Variants in PLXNA4 observed in about 807,000 individuals in gnomAD.
PLXNA4 encodes the protein plexin A4, also known as plexin-A4.
A neutral mutation model predicts 191.8 loss-of-function variants in PLXNA4; 44 were observed. The ratio of observed to expected loss-of-function variants is 0.23; its 90% CI spans 0.18 to 0.29. The LOEUF (loss-of-function observed/expected upper bound fraction) is 0.29, where lower values mean the gene tolerates loss of function less well. Among genes scored for constraint, PLXNA4 ranks in the 10% least tolerant of loss-of-function variants. The pLI is 1.00. For missense variants in PLXNA4, 1,800 were observed against 2,488.8 expected (o/e 0.72, Z 5.89); for synonymous variants, 1,082 against 1,009.5 (o/e 1.07, Z -1.36).
At chr7:132,268,304 G>C (rs1799930832) in intron 4 of PLXNA4, among the ~76,000 whole-genome samples, 1 of 152,204 alleles carries the variant, frequency 6.6e-6, no homozygotes, top group Non-Finnish European at 1.5e-5. Context: ...CTTGCCCCTA[G>C]CTCCCTTGCT....
intron 3 of PLXNA4, chr7:132,384,723 C>G (rs182094235): frequency 6.1e-4 from 635 of 1,035,062 alleles, no homozygotes; most frequent in Admixed American, 1.7e-3. Flanking sequence ...TATGCACACA[C>G]ACCTTTAAAC....
At chr7:132,353,170 C>T (rs1013464021) in intron 3 of PLXNA4, among the ~76,000 whole-genome samples, 2 of 152,160 alleles carry the variant, frequency 1.3e-5, no homozygotes, top group Non-Finnish European at 2.9e-5. Context: ...TCTGCTATTG[C>T]AATAAGTTTT....
intron 2 of PLXNA4, among the ~76,000 whole-genome samples, chr7:132,504,922 C>A (rs531887940): frequency 6.6e-6 from 1 of 152,158 alleles, no homozygotes; most frequent in Non-Finnish European, 1.5e-5. Flanking sequence ...CGATGTCGCA[C>A]GAAACACGTG....
At chr7:132,236,739 A>T (rs1430635892) in intron 5 of PLXNA4, among the ~76,000 whole-genome samples, 2 of 152,126 alleles carry the variant, frequency 1.3e-5, no homozygotes, top group Admixed American at 6.5e-5. Flanking sequence ...CCTTGGAAGC[A>T]ATTAAACCTC....
chr7:132,462,938 C>T (rs1257407621), intron 3 of PLXNA4, among the ~76,000 whole-genome samples: 2 of 150,586 alleles, frequency 1.3e-5, no homozygotes, highest in East Asian at 3.9e-4. Flanking sequence ...CAACCTCTGC[C>T]TGTCAGGTTC....
At chr7:132,526,357 T>C (rs1321262769) in intron 1 of PLXNA4, among the ~76,000 whole-genome samples, 1 of 152,240 alleles carries the variant, frequency 6.6e-6, no homozygotes, top group Admixed American at 6.5e-5. Flanking sequence ...AACTGCCTTC[T>C]CCTGATCCTC....
chr7:132,211,874 C>G (rs1326180196), intron 9 of PLXNA4, among the ~76,000 whole-genome samples: 1 of 152,120 alleles, frequency 6.6e-6, no homozygotes, highest in African/African-American at 2.4e-5. Context: ...CACTGGGCCC[C>G]TTTTTCCTGG....
chr7:132,592,834 A>G (rs1172812218), intron 2 of PLXNA4, among the ~76,000 whole-genome samples: 2 of 151,062 alleles, frequency 1.3e-5, no homozygotes, highest in African/African-American at 4.9e-5. Context: ...ATAAACCCCT[A>G]CGTGCCTTTT....
intron 3 of PLXNA4, among the ~76,000 whole-genome samples, chr7:132,474,608 T>C (rs1797055508): frequency 6.6e-6 from 1 of 151,468 alleles, no homozygotes; most frequent in Non-Finnish European, 1.5e-5. Context: ...CCCAAAGAGA[T>C]ATTGAGCACA....
intron 4 of PLXNA4, among the ~76,000 whole-genome samples, chr7:132,295,849 G>T (rs559774704): frequency 6.6e-6 from 1 of 152,158 alleles, no homozygotes; most frequent in South Asian, 2.1e-4. Context: ...GCCAGCCATG[G>T]TTCTAAGCTT....
chr7:132,577,084 C>T, upstream of PLXNA4: 1 of 146,574 alleles, frequency 6.8e-6, no homozygotes, highest in South Asian at 1.8e-4. Flanking sequence ...GAGCCGCCGG[C>T]TGCTCCCCGG....
chr7:132,322,451 G>T (rs554425126), intron 3 of PLXNA4, among the ~76,000 whole-genome samples: 2 of 152,284 alleles, frequency 1.3e-5, no homozygotes, highest in Non-Finnish European at 2.9e-5. Context: ...CCAAAGTGCT[G>T]GGATTACAGG....
At chr7:132,500,841 A>T (rs1214204096) in intron 2 of PLXNA4, among the ~76,000 whole-genome samples, 1 of 152,170 alleles carries the variant, frequency 6.6e-6, no homozygotes, top group Non-Finnish European at 1.5e-5. Context: ...CTTCTTGAAG[A>T]TAAAATGTGT....
intron 4 of PLXNA4, among the ~76,000 whole-genome samples, chr7:132,260,360 C>G (rs911958821): frequency 6.6e-6 from 1 of 152,124 alleles, no homozygotes; most frequent in Admixed American, 6.5e-5. Flanking sequence ...TTTACAGCCA[C>G]GTGGATGCAA....
Position 132,133,682 on chromosome 7 carries a change from A to T in PLXNA4, c.5439-483T>A, listed in dbSNP as rs989205888. Among the ~76,000 whole-genome samples the T allele has an allele frequency of 3.3e-5, 5 of 152,252 alleles. No homozygotes were observed. The East Asian group carries it at 9.7e-4, about 29-fold the overall frequency. On this transcript the variant is annotated intron_variant, in intron 30 of 31. Coordinates refer to ENST00000321063, the MANE Select transcript of PLXNA4 (RefSeq NM_020911.2). ...CAGGGCTGAGGCTACTCAGGGAGAG[A>T]CTGGTAGAAGGCAATCAGTCACTGT...
At chr7:132,342,831 C>A (rs1427350689) in intron 3 of PLXNA4, among the ~76,000 whole-genome samples, 1 of 151,664 alleles carries the variant, frequency 6.6e-6, no homozygotes. Flanking sequence ...CCTGTAATCC[C>A]AGCTACTCAG....
chr7:132,592,519 C>T (rs1054052410), intron 2 of PLXNA4, among the ~76,000 whole-genome samples: 2 of 145,772 alleles, frequency 1.4e-5, no homozygotes, highest in East Asian at 4.0e-4. Flanking sequence ...TTAATTTAAC[C>T]TTTTTTTTTT....
intron 2 of PLXNA4, among the ~76,000 whole-genome samples, chr7:132,642,653 T>C (rs1356250075): frequency 1.3e-5 from 2 of 152,130 alleles, no homozygotes; most frequent in South Asian, 2.1e-4. Flanking sequence ...TCACCACTTC[T>C]AGGCACATCC....
At chr7:132,254,230 G>A (rs1799354808) in intron 4 of PLXNA4, among the ~76,000 whole-genome samples, 1 of 152,062 alleles carries the variant, frequency 6.6e-6, no homozygotes, top group Non-Finnish European at 1.5e-5. Flanking sequence ...CCTTTCCCTA[G>A]CTCTTGTGAT....
Sources: gnomAD v4.1 joint callset for allele counts (sites outside exome capture counted in the v4.1 genomes callset) on GRCh38, gnomAD v4.1.1 for gene constraint, MANE v1.5 for transcripts, NCBI Gene and HGNC (gene_info 2026-07-23, HGNC 2026-07-21) for gene names.